Variants in PABPC4L observed in about 807,000 individuals in gnomAD.
PABPC4L encodes the protein polyadenylate-binding protein 4-like.
For synonymous variants in PABPC4L, 169 were observed against 164.1 expected (o/e 1.03, Z -0.23); for missense variants, 452 against 451.4 (o/e 1.00, Z -0.01).
the PABPC4L span, among the ~76,000 whole-genome samples, chr4:134,073,896 C>T: frequency 6.6e-6 from 1 of 152,152 alleles, no homozygotes; most frequent in Non-Finnish European, 1.5e-5. Context: ...GGCACCATGT[C>T]CCGAGGCTGC....
the PABPC4L span, among the ~76,000 whole-genome samples, chr4:134,016,534 T>A: frequency 6.6e-6 from 1 of 152,084 alleles, no homozygotes; most frequent in East Asian, 1.9e-4. Context: ...ATCCCTCACT[T>A]TCAGTTTTTC....
At chr4:133,976,346 A>G in the PABPC4L span, among the ~76,000 whole-genome samples, 1 of 152,084 alleles carries the variant, frequency 6.6e-6, no homozygotes, top group South Asian at 2.1e-4. Flanking sequence ...TTATTTATTC[A>G]GTCTATCATT....
the PABPC4L span, among the ~76,000 whole-genome samples, chr4:134,070,433 G>A: frequency 6.6e-6 from 1 of 152,062 alleles, no homozygotes; most frequent in Non-Finnish European, 1.5e-5. Context: ...GTGCAAGGCT[G>A]TTGGCCTCCT....
At chr4:134,178,270 C>T in the PABPC4L span, among the ~76,000 whole-genome samples, 1 of 151,276 alleles carries the variant, frequency 6.6e-6, no homozygotes, top group East Asian at 1.9e-4. Flanking sequence ...GGAGGAGGTT[C>T]CTCCAAGACC....
chr4:134,056,474 T>C, the PABPC4L span, among the ~76,000 whole-genome samples: 7 of 152,026 alleles, frequency 4.6e-5, no homozygotes, highest in African/African-American at 1.7e-4. Context: ...ATGAGCATAG[T>C]ATTTCTTTGC....
At chr4:134,063,020 T>C in the PABPC4L span, among the ~76,000 whole-genome samples, 2 of 152,118 alleles carry the variant, frequency 1.3e-5, no homozygotes, top group Admixed American at 6.6e-5. Context: ...TCTTCTCTCA[T>C]TGAACAACTA....
chr4:134,128,452 T>C, the PABPC4L span, among the ~76,000 whole-genome samples: 1 of 152,136 alleles, frequency 6.6e-6, no homozygotes, highest in Admixed American at 6.6e-5. Context: ...CAACTGCAGA[T>C]TTCTCAGCAG....
the PABPC4L span, among the ~76,000 whole-genome samples, chr4:133,971,634 T>C: frequency 8.5e-5 from 13 of 152,206 alleles, no homozygotes; most frequent in Non-Finnish European, 1.9e-4. Context: ...TCCCACATTG[T>C]CTGGTCCTAT....
the PABPC4L span, among the ~76,000 whole-genome samples, chr4:134,051,754 C>T: frequency 3.9e-5 from 6 of 152,080 alleles, no homozygotes; most frequent in East Asian, 1.2e-3. Context: ...CATAGCCTCT[C>T]TAGAATAAAG....
the PABPC4L span, among the ~76,000 whole-genome samples, chr4:133,954,685 G>A: frequency 2.6e-5 from 4 of 151,652 alleles, no homozygotes; most frequent in African/African-American, 9.7e-5. Flanking sequence ...TTTTCCCCGT[G>A]TACATTTACA....
the PABPC4L span, among the ~76,000 whole-genome samples, chr4:134,048,874 C>A: frequency 6.6e-6 from 1 of 152,010 alleles, no homozygotes; most frequent in African/African-American, 2.4e-5. Context: ...GGATACACTT[C>A]CTATTTCTCA....
chr4:134,166,937 C>G, the PABPC4L span, among the ~76,000 whole-genome samples: 129 of 152,242 alleles, frequency 8.5e-4, 1 homozygote, highest in South Asian at 0.026. Context: ...TTCAAGCACC[C>G]TTCAATCATC....
the PABPC4L span, among the ~76,000 whole-genome samples, chr4:134,169,808 C>T: frequency 6.3e-3 from 962 of 152,118 alleles, 8 homozygotes; most frequent in African/African-American, 0.022. Context: ...TAAAGACATT[C>T]TATGGTCATG....
the PABPC4L span, among the ~76,000 whole-genome samples, chr4:134,124,851 C>T: frequency 1.3e-5 from 2 of 152,058 alleles, no homozygotes; most frequent in South Asian, 2.1e-4. Flanking sequence ...AACACCATGC[C>T]TCATGGGTAA....
At chr4:134,144,580 A>T in the PABPC4L span, among the ~76,000 whole-genome samples, 3 of 43,084 alleles carry the variant, frequency 7.0e-5, no homozygotes, top group South Asian at 9.9e-4. Flanking sequence ...CTACCAGGTT[A>T]AAAAAAAAAA....
At chr4:134,049,616 A>G in the PABPC4L span, among the ~76,000 whole-genome samples, 6 of 152,160 alleles carry the variant, frequency 3.9e-5, no homozygotes, top group Non-Finnish European at 8.8e-5. Flanking sequence ...TAACTGTTGA[A>G]AATAGCTATA....
the PABPC4L span, among the ~76,000 whole-genome samples, chr4:134,112,872 T>G: frequency 6.6e-6 from 1 of 151,896 alleles, no homozygotes; most frequent in African/African-American, 2.4e-5. Flanking sequence ...GGCATTGTCA[T>G]AGGAGATGAT....
chr4:134,141,680 G>T, the PABPC4L span, among the ~76,000 whole-genome samples: 1 of 151,358 alleles, frequency 6.6e-6, no homozygotes, highest in African/African-American at 2.4e-5. Flanking sequence ...AAAATTCACT[G>T]CACAAATCCT....
At chr4:134,162,251 G>C in the PABPC4L span, among the ~76,000 whole-genome samples, 572 of 152,044 alleles carry the variant, frequency 3.8e-3, 2 homozygotes, top group African/African-American at 0.013. Flanking sequence ...CAACATTGAA[G>C]CCACAATAGT....
Sources: gnomAD v4.1 joint callset for allele counts (sites outside exome capture counted in the v4.1 genomes callset) on GRCh38, gnomAD v4.1.1 for gene constraint, MANE v1.5 for transcripts, NCBI Gene and HGNC (gene_info 2026-07-23, HGNC 2026-07-21) for gene names.